Variants in PHLDB1 observed in about 807,000 individuals in gnomAD.
PHLDB1 encodes the protein pleckstrin homology like domain family B member 1, also known as pleckstrin homology-like domain family B member 1.
A neutral mutation model predicts 139.3 loss-of-function variants in PHLDB1; 65 were observed. The ratio of observed to expected loss-of-function variants is 0.47; its 90% CI spans 0.38 to 0.57. The LOEUF (loss-of-function observed/expected upper bound fraction) is 0.57. PHLDB1 is among the 20% of genes least tolerant of loss of function. The pLI, the probability that PHLDB1 is intolerant of heterozygous loss-of-function variation, is 0.00. For missense variants in PHLDB1, 1,624 were observed against 1,839.7 expected (o/e 0.88, Z 2.14); for synonymous variants, 679 against 734.5 (o/e 0.92, Z 1.22).
chr11:118,624,590 CTTTTTTTTTTTTTTTTT>C (rs67582556), intron 4 of PHLDB1: 3 of 131,072 alleles, frequency 2.3e-5, no homozygotes, highest in Non-Finnish European at 4.0e-5. Context: ...TTCTTCCTTT[CTTTTTTTTTTTTTTTTT>C]TTTTTTTTTT....
chr11:118,628,355 C>T lies in PHLDB1; in HGVS notation c.1532C>T (p.Ala511Val). ...SPEDFSLTLG[A>V]RGRRTRSPSP... is the part of the protein sequence containing the mutation. ...GAGGACTTCTCCCTGACGCTGGGGG[C>T]ACGGGGCCGTAGGACACGGAGCCCC... The change falls in exon 6 of 23, where the codon GCA becomes GTA. Residue 511 changes from alanine to valine, a missense_variant. Ala to Val is a moderately conservative substitution (Grantham distance 64, BLOSUM62 0). Transcript: ENST00000600882. 1 of 1,611,850 alleles carries T rather than the reference C, an allele frequency of 6.2e-7. No individual in the cohort carries two copies. Among genetic ancestry groups the T allele is most frequent in the East Asian group, 2.2e-5 (1 of 44,804 alleles).
chr11:118,638,561 TGGCAAGTGGGGTTGGGACAGGGAGAATGA>T (rs1461302260), intron 10 of PHLDB1, among the ~76,000 whole-genome samples: 1 of 151,916 alleles, frequency 6.6e-6, no homozygotes, highest in Admixed American at 6.6e-5. Context: ...ATTTGGGTGG[TGGCAAGTGGGGTTGGGACAGGGAGAATGA>T]GGCAGATGGA....
At chr11:118,609,511 A>G (rs1175522254) in intron 1 of PHLDB1, among the ~76,000 whole-genome samples, 1 of 141,376 alleles carries the variant, frequency 7.1e-6, no homozygotes, top group Admixed American at 6.9e-5. Context: ...TCACACATGC[A>G]GCCCCCTCAC....
In PHLDB1 at chr11:118,643,625, G is replaced by A. The variant is rs1591704010; in HGVS notation, c.2878-175G>A. ...AGGAACAGCCTGGAAAGGAGAATTG[G>A]CAGCTGCCAATAGCATCTGGCCATT... On this transcript the variant is annotated intron_variant, in intron 13 of 22. Coordinates refer to ENST00000600882, the MANE Select transcript of PHLDB1 (RefSeq NM_001144758.3). The A allele has an allele frequency of 3.0e-6, 3 of 985,296 alleles. No individual in the cohort carries two copies. The South Asian group carries it at 1.4e-4, about 46-fold the overall frequency. The allele number at this position is 985,296 out of a possible 1,614,324, so 61.0% of individuals were successfully genotyped here. A position where few individuals can be genotyped will look rare whatever the true frequency, so the allele number is the denominator to read the frequency against.
rs1941003802 is a variant in PHLDB1 at position 118,613,806 on chromosome 11, G to C, written c.-21-10G>C. 10 of 1,593,158 alleles carry C rather than the reference G, an allele frequency of 6.3e-6. No individual in the cohort carries two copies. The highest frequency in any genetic ancestry group is 1.7e-5 in the Admixed American group (1 of 59,758). Reference sequence around the variant, plus strand: ...CCTCCCCACTCACCACCTTTCTGCTGTGTCCCTAGGAGCTCTGGAGCCTTA... The same window carrying C: ...CCTCCCCACTCACCACCTTTCTGCTCTGTCCCTAGGAGCTCTGGAGCCTTA... On this transcript the variant is annotated splice_polypyrimidine_tract_variant and intron_variant, in intron 1 of 22. Coordinates refer to ENST00000600882, the MANE Select transcript of PHLDB1 (RefSeq NM_001144758.3).
Position 118,645,553 on chromosome 11 carries a change from C to T in PHLDB1, c.3319C>T (p.His1107Tyr), listed in dbSNP as rs1555126784. The T allele has an allele frequency of 1.2e-6, 2 of 1,613,500 alleles. No homozygotes were observed. The highest frequency in any genetic ancestry group is 1.7e-5 in the Admixed American group (1 of 59,948). Reference protein sequence around the residue: ...AGRERGEEGEHAYDTLSLESS... With the variant: ...AGRERGEEGEYAYDTLSLESS... ...GCGGGAGCGTGGGGAGGAGGGTGAG[C>T]ACGCCTATGATACGCTGAGTCTGGA... The change falls in exon 16 of 23, where the codon CAC becomes TAC. Residue 1107 changes from histidine to tyrosine, a missense_variant. Transcript: ENST00000600882. This position sits in a 1 kb window ranked among gnomAD's most constrained non-coding sequence, Gnocchi z 5.1.
chr11:118,642,531 G>GC, intron 13 of PHLDB1, 137 bp downstream of exon 13: 1 of 1,023,530 alleles, frequency 9.8e-7, no homozygotes. Context: ...GCACCTCTGG[G>GC]CCCTGAGAGG....
At chr11:118,653,114 A>C (rs575505205) in intron 20 of PHLDB1, 1 of 152,768 alleles carries the variant, frequency 6.5e-6, no homozygotes, top group Non-Finnish European at 1.5e-5. Flanking sequence ...GTGGGTGGTA[A>C]GGAAGCGGAG....
At position 118,627,863 on chromosome 11, in the gene PHLDB1, C is replaced by G. The variant is rs35842472; in HGVS notation, c.1040C>G (p.Thr347Ser). 6.2e-7 allele frequency: 1 copy of G among 1,608,944 alleles called. No individual in the cohort carries two copies. The highest frequency in any genetic ancestry group is 8.5e-7 in the Non-Finnish European group (1 of 1,179,908). ...ATVLAEARRATESPRLGGQLP... is the reference protein window; with the variant it reads ...ATVLAEARRASESPRLGGQLP... ...GTCTTGGCGGAGGCCCGGAGAGCCA[C>G]TGAGAGCCCCCGGCTGGGTGGGCAG... is the stretch of plus-strand genomic sequence containing the variant. The change falls in exon 6 of 23, where the codon ACT becomes AGT. Residue 347 changes from threonine (T) to serine (S), a missense_variant. Thr to Ser is a moderately conservative substitution (Grantham distance 58, BLOSUM62 1). Coordinates refer to ENST00000600882, the MANE Select transcript of PHLDB1 (RefSeq NM_001144758.3).
At chr11:118,639,057 T>A in intron 11 of PHLDB1, 56 bp downstream of exon 11, 1 of 1,557,644 alleles carries the variant, frequency 6.4e-7, no homozygotes, top group Non-Finnish European at 8.9e-7. Flanking sequence ...GGGAGGGGAG[T>A]GCAGAAGGAC....
At position 118,628,419 on chromosome 11, in the gene PHLDB1, C is replaced by A. The variant is rs1555106356; in HGVS notation, c.1596C>A (p.Gly532=). 2 of 1,611,314 alleles carry A rather than the reference C, an allele frequency of 1.2e-6. No homozygotes were observed. Among genetic ancestry groups the A allele is most frequent in the Admixed American group, 3.4e-5 (2 of 59,548 alleles). Residue 532 remains glycine (G), a synonymous_variant, in exon 6 of 23, where the codon GGC becomes GGA. Coordinates refer to ENST00000600882, the MANE Select transcript of PHLDB1 (RefSeq NM_001144758.3). ...GTGAGTCTCTGGCACCCCACAAGGG[C>A]AGCTTCAGTGGCAGGCTGAGCCCAG... ...TLGESLAPHK[G]SFSGRLSPAY...
intron 9 of PHLDB1, chr11:118,634,674 C>G (rs531778267): frequency 5.5e-4 from 118 of 213,426 alleles, no homozygotes; most frequent in African/African-American, 2.5e-3. Context: ...GCCTTGGGCC[C>G]TCTCCCTCTT....
At chr11:118,649,035 T>G (rs1213752241) in intron 18 of PHLDB1, among the ~76,000 whole-genome samples, 1 of 152,118 alleles carries the variant, frequency 6.6e-6, no homozygotes, top group Non-Finnish European at 1.5e-5. Context: ...TCCCAGCACT[T>G]TGGGAGGCCG....
intron 1 of PHLDB1, chr11:118,613,004 G>A (rs1316784161): frequency 6.6e-6 from 1 of 152,190 alleles, no homozygotes; most frequent in Non-Finnish European, 1.5e-5. Flanking sequence ...GGTGGGTGAG[G>A]GGCAGTGGGG....
chr11:118,629,434 G>A (rs1555107775), intron 6 of PHLDB1, among the ~76,000 whole-genome samples: 2 of 152,224 alleles, frequency 1.3e-5, no homozygotes, highest in African/African-American at 2.4e-5. Flanking sequence ...AGCTTAAGGG[G>A]CTCTGGCTGG....
At chr11:118,623,466 G>A (rs549198756) in intron 4 of PHLDB1, among the ~76,000 whole-genome samples, 74 of 152,222 alleles carry the variant, frequency 4.9e-4, no homozygotes, top group African/African-American at 1.7e-3. Flanking sequence ...TCCCCCTCCA[G>A]GTACTCACAC....
rs782613165 is a variant in PHLDB1 at position 118,645,843 on chromosome 11, C to G, written c.3507+18C>G. The stretch of plus-strand genomic sequence containing the variant: ...AGTCGAGGGTGAGTCTGACCTGGAT[C>G]GGGGAGGCAGAAGGTGTTGGGGCAC... On this transcript the variant is annotated intron_variant, in intron 17 of 22. Transcript: ENST00000600882. The surrounding 1 kb of genome is among the most constrained non-coding windows in gnomAD (Gnocchi z 5.1). The G allele has an allele frequency of 1.3e-6, 2 of 1,546,342 alleles. No homozygotes were observed. Among genetic ancestry groups the G allele is most frequent in the Non-Finnish European group, 1.8e-6 (2 of 1,118,866 alleles).
intron 6 of PHLDB1, 93 bp from the exon 7 acceptor site, chr11:118,631,114 G>A: frequency 8.6e-7 from 1 of 1,159,992 alleles, no homozygotes; most frequent in Non-Finnish European, 1.1e-6. Context: ...CTGTAACCCT[G>A]CTCTCCCTCC....
In PHLDB1 at chr11:118,632,723, C is replaced by T. The variant is rs1555112325; in HGVS notation, c.2379+427C>T. ...ACGTTGTGATCTTTGGGAGATGGCCCTCGGGCCTCTGCTTCCCTTGAGCCT... is the reference window on the plus strand; with the variant it reads ...ACGTTGTGATCTTTGGGAGATGGCCTTCGGGCCTCTGCTTCCCTTGAGCCT... On this transcript the variant is annotated intron_variant, in intron 9 of 22. Transcript: ENST00000600882. The surrounding 1 kb of genome is among the most constrained non-coding windows in gnomAD (Gnocchi z 5.9). 1 of 253,216 alleles carries T rather than the reference C, an allele frequency of 3.9e-6. No homozygotes were observed. The highest frequency in any genetic ancestry group is 1.5e-4 in the East Asian group (1 of 6,652). 15.7% of individuals were successfully genotyped at this position (253,216 alleles called of 1,614,324 possible). A position where few individuals can be genotyped will look rare whatever the true frequency, so the allele number is the denominator to read the frequency against.
Sources: allele counts gnomAD v4.1 joint callset (sites outside exome capture counted in the v4.1 genomes callset), GRCh38; gene constraint gnomAD v4.1.1; non-coding constraint Gnocchi (gnomAD v3.1); transcripts MANE v1.5; gene names NCBI Gene and HGNC (gene_info 2026-07-23, HGNC 2026-07-21).